The following C12orf42 variants were observed in gnomAD, a reference collection of about 807,000 sequenced individuals.
The protein encoded by C12orf42 is uncharacterized protein C12orf42.
C12orf42 carries 25 observed loss-of-function variants against 21.6 expected under a neutral mutation model. The observed-to-expected ratio is 1.16, with a 90% CI of 0.84 to 1.62. The LOEUF (loss-of-function observed/expected upper bound fraction) is 1.62. C12orf42 is among the 40% of genes most tolerant of loss of function. The pLI is 0.00. For synonymous variants in C12orf42, 174 were observed against 175.0 expected, an observed-to-expected ratio of 0.99 and a Z score of 0.05; for missense variants, 483 against 459.3, an observed-to-expected ratio of 1.05 and a Z score of -0.47.
chr12:103,356,235 ACCT>A (rs1457655320), intron 4 of C12orf42, among the ~76,000 whole-genome samples: 1 of 151,662 alleles, frequency 6.6e-6, no homozygotes, highest in East Asian at 1.9e-4. Flanking sequence ...ATTGCTTATC[ACCT>A]CCTGATGACT....
intron 4 of C12orf42, among the ~76,000 whole-genome samples, chr12:103,294,415 G>GAA (rs2037024670): frequency 6.6e-5 from 5 of 75,644 alleles, no homozygotes; most frequent in African/African-American, 2.3e-4. Context: ...GAAAGAAAGA[G>GAA]AGAAAGGAGA....
chr12:103,392,118 A>C (rs2047133368), intron 3 of C12orf42, among the ~76,000 whole-genome samples: 2 of 152,208 alleles, frequency 1.3e-5, no homozygotes, highest in South Asian at 4.1e-4. Flanking sequence ...ATTTTTGTTG[A>C]AAATCAGTTG....
the C12orf42 span, among the ~76,000 whole-genome samples, chr12:103,097,736 A>T: frequency 6.6e-6 from 1 of 152,216 alleles, no homozygotes; most frequent in Non-Finnish European, 1.5e-5. Flanking sequence ...AAAGACAGGT[A>T]ATGATTTGTG....
chr12:103,100,328 C>A, the C12orf42 span, among the ~76,000 whole-genome samples: 1 of 152,258 alleles, frequency 6.6e-6, no homozygotes, highest in Admixed American at 6.5e-5. Context: ...GGACACAAGT[C>A]TGGCTCAGGA....
chr12:103,466,320 T>C (rs2137778302), intron 2 of C12orf42, among the ~76,000 whole-genome samples: 1 of 152,236 alleles, frequency 6.6e-6, no homozygotes, highest in East Asian at 1.9e-4. Context: ...CTTTGTCTTC[T>C]TACAGTAATT....
intron 1 of C12orf42, among the ~76,000 whole-genome samples, chr12:103,481,453 C>G (rs1565896338): frequency 1.3e-5 from 2 of 151,872 alleles, no homozygotes; most frequent in Admixed American, 6.6e-5. Flanking sequence ...ATAAATCTAG[C>G]CTGTCCCTAT....
At chr12:103,066,223 T>C in the C12orf42 span, among the ~76,000 whole-genome samples, 3 of 152,210 alleles carry the variant, frequency 2.0e-5, no homozygotes, top group East Asian at 1.9e-4. Flanking sequence ...CTGCCTATCA[T>C]AAACTGGGTG....
intron 10 of C12orf42, among the ~76,000 whole-genome samples, chr12:103,261,670 T>G (rs2034908798): frequency 1.3e-5 from 2 of 151,998 alleles, no homozygotes; most frequent in Admixed American, 1.3e-4. Context: ...TTAACTTAAT[T>G]ATATATATCT....
the C12orf42 span, among the ~76,000 whole-genome samples, chr12:103,109,299 A>G: frequency 6.6e-6 from 1 of 152,150 alleles, no homozygotes; most frequent in African/African-American, 2.4e-5. Context: ...TTACACATAT[A>G]GGAGAGAGAG....
At chr12:103,066,318 G>A in the C12orf42 span, among the ~76,000 whole-genome samples, 3 of 152,158 alleles carry the variant, frequency 2.0e-5, no homozygotes, top group Non-Finnish European at 4.4e-5. Context: ...TGACTGGGCT[G>A]GAGCAGGTCC....
At chr12:103,247,173 A>G (rs1352290512) in intron 10 of C12orf42, among the ~76,000 whole-genome samples, 2 of 151,948 alleles carry the variant, frequency 1.3e-5, no homozygotes, top group African/African-American at 4.8e-5. Flanking sequence ...TCAAAAAAAA[A>G]CCATGATCAA....
At chr12:103,440,857 G>C (rs1241853958) in intron 2 of C12orf42, among the ~76,000 whole-genome samples, 1 of 152,038 alleles carries the variant, frequency 6.6e-6, no homozygotes, top group Non-Finnish European at 1.5e-5. Context: ...CTCAACCTCT[G>C]ACCATGGAAC....
chr12:103,292,779 T>G (rs1410796318), intron 4 of C12orf42, among the ~76,000 whole-genome samples: 1 of 152,138 alleles, frequency 6.6e-6, no homozygotes, highest in Non-Finnish European at 1.5e-5. Flanking sequence ...AATTCATGCA[T>G]ATATTCTGAA....
chr12:103,534,056 T>G, the C12orf42 span, among the ~76,000 whole-genome samples: 1 of 152,236 alleles, frequency 6.6e-6, no homozygotes. Context: ...CAGTGAGTGC[T>G]CAACAAATTA....
At chr12:103,303,571 A>C (rs1270718039) in intron 5 of C12orf42, among the ~76,000 whole-genome samples, 1 of 152,186 alleles carries the variant, frequency 6.6e-6, no homozygotes, top group Non-Finnish European at 1.5e-5. Context: ...AAATTCAAAA[A>C]ACACATAAAA....
chr12:103,147,896 T>C, the C12orf42 span, among the ~76,000 whole-genome samples: 2 of 152,124 alleles, frequency 1.3e-5, no homozygotes, highest in Non-Finnish European at 2.9e-5. Flanking sequence ...CAAGATAGCC[T>C]AACCAACTTT....
chr12:103,433,939 A>G (rs1260312928), intron 2 of C12orf42, among the ~76,000 whole-genome samples: 3 of 152,264 alleles, frequency 2.0e-5, no homozygotes, highest in African/African-American at 7.2e-5. Flanking sequence ...TGCATCCTGA[A>G]GAATTTGTGA....
At chr12:103,225,898 G>A in the C12orf42 span, among the ~76,000 whole-genome samples, 3 of 152,192 alleles carry the variant, frequency 2.0e-5, no homozygotes, top group East Asian at 1.9e-4. Flanking sequence ...CTCGGCGTCC[G>A]TGTTGGTCTA....
At chr12:103,355,119 T>C (rs978383309) in intron 4 of C12orf42, among the ~76,000 whole-genome samples, 3 of 152,134 alleles carry the variant, frequency 2.0e-5, no homozygotes, top group Non-Finnish European at 4.4e-5. Flanking sequence ...GCTGCTTCCT[T>C]GTCCTTAGAG....
Sources: allele counts gnomAD v4.1 joint callset (sites outside exome capture counted in the v4.1 genomes callset), GRCh38; gene constraint gnomAD v4.1.1; transcripts MANE v1.5; gene names NCBI Gene and HGNC (gene_info 2026-07-23, HGNC 2026-07-21).